Variants in NBPF9 observed in about 807,000 individuals in gnomAD.
The protein encoded by NBPF9 is NBPF member 9, also known as NBPF family member NBPF9.
Under a neutral mutation model 97.8 loss-of-function variants are expected in NBPF9, and 91 were observed. That is an observed-to-expected ratio of 0.93 (90% CI 0.79 to 1.11). NBPF9 has a LOEUF of 1.11. Ranked by LOEUF, NBPF9 falls within the 50% of genes least tolerant of loss-of-function variation. NBPF9 has a pLI of 0.00. For synonymous variants in NBPF9, 334 were observed against 359.5 expected (o/e 0.93, Z 0.80); for missense variants, 992 against 939.5 (o/e 1.06, Z -0.73).
At chr1:149,070,902 G>T (rs587763103) in intron 16 of NBPF9, 32 bp downstream of exon 16, 1 of 1,602,264 alleles carries the variant, frequency 6.2e-7, no homozygotes, top group Non-Finnish European at 8.5e-7. Flanking sequence ...AGCCTAGAGA[G>T]AGGTATGAGA....
chr1:149,060,298 G>A (rs1233712204), intron 24 of NBPF9: 1 of 379,506 alleles, frequency 2.6e-6, no homozygotes, highest in East Asian at 3.1e-5. Flanking sequence ...TAGGATCAGG[G>A]CGCCACAGGT....
chr1:149,064,877 A>C (rs1407468334), intron 18 of NBPF9: 2 of 527,734 alleles, frequency 3.8e-6, no homozygotes, highest in Non-Finnish European at 6.7e-6. Context: ...CAGAGATTTG[A>C]TGAGGGGGTG....
chr1:149,062,837 A>T, intron 21 of NBPF9, 25 bp downstream of exon 21: 1 of 667,710 alleles, frequency 1.5e-6, no homozygotes, highest in Non-Finnish European at 2.7e-6. Context: ...CACAGAATTA[A>T]GCATCCATAA....
Position 149,059,935 on chromosome 1 carries a change from A to T in NBPF9, c.2477-127T>A, listed in dbSNP as rs1489659610. On this transcript the variant is annotated intron_variant, in intron 24 of 29. Coordinates refer to ENST00000584027, the Ensembl canonical transcript of NBPF9. Reference sequence around the variant, plus strand: ...ATAAGAATAGGACACTGTGAGAGATATATTTCAGGAGGCCTGAAGGCTGGT... The same window carrying T: ...ATAAGAATAGGACACTGTGAGAGATTTATTTCAGGAGGCCTGAAGGCTGGT... The T allele has an allele frequency of 1.2e-5, 5 of 426,016 alleles. No individual in the cohort carries two copies. In the African/African-American group the frequency reaches 1.3e-4, roughly 11 times the overall value. 26.4% of individuals were successfully genotyped at this position (426,016 alleles called of 1,614,324 possible). A position where few individuals can be genotyped will look rare whatever the true frequency, so the allele number is the denominator to read the frequency against.
Position 149,076,659 on chromosome 1 carries a change from C to T in NBPF9, c.778+549G>A, listed in dbSNP as rs1365355508. 2.3e-4 allele frequency among the ~76,000 whole-genome samples: 34 copies of T among 147,062 alleles called. 1 individual carries two copies. Among genetic ancestry groups the T allele is most frequent in the African/African-American group, 4.2e-4 (17 of 40,546 alleles). On this transcript the variant is annotated intron_variant, in intron 11 of 29. Coordinates refer to ENST00000584027, the Ensembl canonical transcript of NBPF9. The stretch of plus-strand genomic sequence containing the variant: ...CTGGGACTACAGGCGCCCACCACCA[C>T]GCCCAGCTATTTTTTTTTTTTTGCA...
At chr1:149,103,485 T>G (rs1362985135) in exon 1 of NBPF9, 1 of 152,274 alleles carries the variant, frequency 6.6e-6, no homozygotes, top group Non-Finnish European at 1.5e-5. Context: ...ATATCGCCGC[T>G]GTCTCAACCG....
intron 12 of NBPF9, among the ~76,000 whole-genome samples, chr1:149,074,905 G>A (rs1296468048): frequency 6.6e-6 from 1 of 151,104 alleles, no homozygotes; most frequent in African/African-American, 2.4e-5. Context: ...TCAGCCTCCT[G>A]GGTTCAAAGG....
At chr1:149,081,654 G>A (rs2080458876) in intron 7 of NBPF9, among the ~76,000 whole-genome samples, 1 of 146,454 alleles carries the variant, frequency 6.8e-6, no homozygotes, top group South Asian at 2.3e-4. Context: ...GATCTTATAA[G>A]GTACAGAGAG....
chr1:149,078,534 G>A (rs78313760), intron 9 of NBPF9, among the ~76,000 whole-genome samples: 1 of 124,330 alleles, frequency 8.0e-6, no homozygotes, highest in Admixed American at 8.5e-5. Flanking sequence ...AAAAGCATTC[G>A]TAAGTGTTCC....
At chr1:149,082,351 A>G in exon 6 of NBPF9, 1 of 1,525,160 alleles carries the variant, frequency 6.6e-7, no homozygotes, top group East Asian at 2.6e-5. Flanking sequence ...AGGTGCCTCA[A>G]CTCAGAGCTG....
At chr1:149,058,425 G>T in intron 26 of NBPF9, among the ~76,000 whole-genome samples, 1 of 55,840 alleles carries the variant, frequency 1.8e-5, no homozygotes, top group Middle Eastern at 5.6e-3. Context: ...CATTCTGGTA[G>T]ATCGTTATCC....
chr1:149,089,086 C>T (rs2081238395), intron 5 of NBPF9, among the ~76,000 whole-genome samples: 1 of 151,948 alleles, frequency 6.6e-6, no homozygotes, highest in African/African-American at 2.4e-5. Flanking sequence ...CAGCCAAGTC[C>T]CACGGCCTGT....
intron 1 of NBPF9, 114 bp from the exon 2 acceptor site, chr1:149,102,961 C>T: frequency 6.6e-6 from 1 of 151,744 alleles, no homozygotes; most frequent in East Asian, 2.0e-4. Context: ...GATTTCTGGC[C>T]TCGAGGGTGG....
At chr1:149,094,091 C>T (rs2938049) in intron 4 of NBPF9, among the ~76,000 whole-genome samples, 11 of 151,942 alleles carry the variant, frequency 7.2e-5, no homozygotes, top group Non-Finnish European at 1.0e-4. Context: ...GCTGAGATGG[C>T]GCCGTTGCAT....
At chr1:149,055,868 G>T (rs587721841) in exon 30 of NBPF9, 1 of 1,610,092 alleles carries the variant, frequency 6.2e-7, no homozygotes, top group African/African-American at 1.3e-5. Context: ...AAGACTTCAG[G>T]CTCTTCCACT....
chr1:149,062,933 G>C lies in NBPF9; in HGVS notation c.2027-20C>G, dbSNP rs782006138. On this transcript the variant is annotated intron_variant, in intron 20 of 29. Coordinates refer to ENST00000584027, the Ensembl canonical transcript of NBPF9. Reference sequence around the variant, plus strand: ...CAATTTCTGCAATAAGTTCAGACATGGACAGTCATATTAAGCTGGTTCTCC... The same window carrying C: ...CAATTTCTGCAATAAGTTCAGACATCGACAGTCATATTAAGCTGGTTCTCC... 1.2e-6 allele frequency: 1 copy of C among 868,602 alleles called. No individual in the cohort carries two copies. The highest frequency in any genetic ancestry group is 2.0e-6 in the Non-Finnish European group (1 of 510,234). 53.8% of individuals were successfully genotyped at this position (868,602 alleles called of 1,614,324 possible).
intron 3 of NBPF9, among the ~76,000 whole-genome samples, chr1:149,099,748 G>A (rs2082022789): frequency 6.6e-6 from 1 of 152,058 alleles, no homozygotes; most frequent in Admixed American, 6.5e-5. Flanking sequence ...ACTTTGAGAT[G>A]CCAAGGTGGG....
At chr1:149,072,979 G>T (rs782107361) in intron 13 of NBPF9, 47 bp from the exon 14 acceptor site, 1 of 1,583,548 alleles carries the variant, frequency 6.3e-7, no homozygotes, top group Admixed American at 1.7e-5. Context: ...AGGGTTGAGT[G>T]ATCCGCTCAA....
chr1:149,084,740 G>T (rs1169535670), intron 5 of NBPF9, among the ~76,000 whole-genome samples: 5 of 151,302 alleles, frequency 3.3e-5, no homozygotes, highest in Admixed American at 3.3e-4. Flanking sequence ...GCTGAGGTTG[G>T]TGTCCTGGTT....
Sources: allele counts gnomAD v4.1 joint callset (sites outside exome capture counted in the v4.1 genomes callset), GRCh38; gene constraint gnomAD v4.1.1; transcripts MANE v1.5; gene names NCBI Gene and HGNC (gene_info 2026-07-23, HGNC 2026-07-21).